ITPR2: variants seen among roughly 807,000 people sequenced by gnomAD.
ITPR2 encodes inositol 1,4,5-trisphosphate receptor type 2.
A neutral mutation model predicts 317.1 loss-of-function variants in ITPR2; 207 were observed. That is an observed-to-expected ratio of 0.65 (90% CI 0.58 to 0.73). The LOEUF is 0.73. Ranked by LOEUF, ITPR2 falls within the 30% of genes least tolerant of loss-of-function variation. The probability of loss-of-function intolerance (pLI) is 0.00; values close to 1 mark genes in which losing one functional copy is unlikely to be tolerated. For missense variants in ITPR2, 2,613 were observed against 3,284.0 expected (o/e 0.80, Z 4.99); for synonymous variants, 1,156 against 1,149.1 (o/e 1.01, Z -0.12).
intron 2 of ITPR2, among the ~76,000 whole-genome samples, chr12:26,728,679 C>T (rs1237870343): frequency 2.0e-5 from 3 of 152,102 alleles, no homozygotes; most frequent in Non-Finnish European, 4.4e-5. Flanking sequence ...CACATTTTGT[C>T]GGATTCTAAA....
At chr12:26,612,496 TC>T (rs1048679813) in intron 26 of ITPR2, among the ~76,000 whole-genome samples, 1 of 152,252 alleles carries the variant, frequency 6.6e-6, no homozygotes, top group African/African-American at 2.4e-5. Context: ...ATTGCCACTA[TC>T]TTTGGCTGCT....
At chr12:26,746,191 A>AACACACAC (rs71437307) in intron 2 of ITPR2, among the ~76,000 whole-genome samples, 7,310 of 150,400 alleles carry the variant, frequency 0.049, 247 homozygotes, top group Non-Finnish European at 0.071. Context: ...GTATTCCTAC[A>AACACACAC]ACACACACAC....
At chr12:26,589,742 G>A (rs1473187314) in intron 32 of ITPR2, among the ~76,000 whole-genome samples, 2 of 143,892 alleles carry the variant, frequency 1.4e-5, no homozygotes, top group Non-Finnish European at 3.0e-5. Flanking sequence ...AGCCAAGATC[G>A]CCCCACTGCA....
chr12:26,701,652 T>C lies in ITPR2; in HGVS notation c.952-6002A>G, dbSNP rs534343403. ...CTTTTCACATACTATGGCTGATACA[T>C]TTGAGAGAGAACTAAACATAGAGAC... On this transcript the variant is annotated intron_variant, in intron 9 of 56. Transcript: ENST00000381340. Among the ~76,000 whole-genome samples the C allele has an allele frequency of 3.9e-5, 6 of 152,286 alleles. No homozygotes were observed. The South Asian group carries it at 1.0e-3, about 26-fold the overall frequency.
chr12:26,435,813 C>T (rs1941337078), intron 48 of ITPR2, among the ~76,000 whole-genome samples: 1 of 152,042 alleles, frequency 6.6e-6, no homozygotes, highest in South Asian at 2.1e-4. Flanking sequence ...TACATGTATG[C>T]TCACTATAGA....
At chr12:26,569,554 C>CAA (rs34705409) in intron 34 of ITPR2, among the ~76,000 whole-genome samples, 9,224 of 134,244 alleles carry the variant, frequency 0.069, 312 homozygotes, top group Middle Eastern at 0.11. Flanking sequence ...GACTCTGTCT[C>CAA]AAAAAAAAAA....
intron 39 of ITPR2, among the ~76,000 whole-genome samples, chr12:26,493,689 AATT>A (rs1591828354): frequency 6.6e-6 from 1 of 152,190 alleles, no homozygotes; most frequent in South Asian, 2.1e-4. Context: ...AAATATGTAC[AATT>A]ATTATTATTT....
chr12:26,373,476 G>A (rs1005023602), intron 55 of ITPR2: 2 of 152,102 alleles, frequency 1.3e-5, no homozygotes, highest in African/African-American at 2.4e-5. Context: ...CTCTGAATTT[G>A]GCCATTTTTG....
chr12:26,505,577 T>C (rs961571207), intron 37 of ITPR2, among the ~76,000 whole-genome samples: 1 of 152,236 alleles, frequency 6.6e-6, no homozygotes, highest in Non-Finnish European at 1.5e-5. Context: ...AGTCCTCTTA[T>C]AATAGCATGT....
intron 37 of ITPR2, among the ~76,000 whole-genome samples, chr12:26,528,865 T>A (rs546939557): frequency 1.3e-5 from 2 of 152,346 alleles, no homozygotes; most frequent in Admixed American, 1.3e-4. Flanking sequence ...TCCTTTCATC[T>A]TCCCCTTTAC....
At chr12:26,711,301 C>T in intron 8 of ITPR2, 33 bp from the exon 9 acceptor site, 1 of 1,447,988 alleles carries the variant, frequency 6.9e-7, no homozygotes, top group Non-Finnish European at 9.7e-7. Flanking sequence ...AATGGCAAAA[C>T]AATATTTATG....
At chr12:26,596,550 G>A (rs1945850509) in intron 31 of ITPR2, among the ~76,000 whole-genome samples, 1 of 151,736 alleles carries the variant, frequency 6.6e-6, no homozygotes, top group Admixed American at 6.6e-5. Flanking sequence ...GGGAGGCTGA[G>A]GCAGGAGAAT....
At chr12:26,504,603 A>T (rs994850524) in intron 37 of ITPR2, among the ~76,000 whole-genome samples, 1 of 152,224 alleles carries the variant, frequency 6.6e-6, no homozygotes, top group Admixed American at 6.5e-5. Flanking sequence ...TACAAAATCA[A>T]GTGTTGAAGA....
chr12:26,516,280 G>GGAAAGGAAAGGAAAGGAAA (rs1565574580), intron 37 of ITPR2, among the ~76,000 whole-genome samples: 1 of 45,198 alleles, frequency 2.2e-5, no homozygotes, highest in Non-Finnish European at 3.8e-5. Context: ...AGGAAGGGAA[G>GGAAAGGAAAGGAAAGGAAA]GGAAGGGAAA....
At chr12:26,543,870 C>T (rs1417947079) in intron 37 of ITPR2, among the ~76,000 whole-genome samples, 1 of 152,090 alleles carries the variant, frequency 6.6e-6, no homozygotes, top group African/African-American at 2.4e-5. Flanking sequence ...TTTTAAAGTA[C>T]AAATAAATAT....
intron 34 of ITPR2, among the ~76,000 whole-genome samples, chr12:26,575,525 C>A (rs919471615): frequency 2.0e-5 from 3 of 151,952 alleles, no homozygotes; most frequent in Non-Finnish European, 4.4e-5. Context: ...CATGCCTTCT[C>A]ACAAAGAGAA....
intron 21 of ITPR2, among the ~76,000 whole-genome samples, chr12:26,638,524 A>G (rs1274729761): frequency 6.6e-6 from 1 of 152,104 alleles, no homozygotes; most frequent in African/African-American, 2.4e-5. Context: ...GATTTCTCAC[A>G]CCACAGACAC....
At chr12:26,587,973 G>C (rs1025525943) in intron 32 of ITPR2, among the ~76,000 whole-genome samples, 1 of 152,182 alleles carries the variant, frequency 6.6e-6, no homozygotes, top group Non-Finnish European at 1.5e-5. Flanking sequence ...GGAAGGACTG[G>C]ATTTTGGGTA....
At chr12:26,805,771 G>A (rs1182912787) in intron 1 of ITPR2, among the ~76,000 whole-genome samples, 1 of 89,924 alleles carries the variant, frequency 1.1e-5, no homozygotes, top group Non-Finnish European at 2.6e-5. Context: ...GACCTGCAAG[G>A]AAGCTAATAT....
Sources: gnomAD v4.1 joint callset for allele counts (sites outside exome capture counted in the v4.1 genomes callset) on GRCh38, gnomAD v4.1.1 for gene constraint, MANE v1.5 for transcripts, NCBI Gene and HGNC (gene_info 2026-07-23, HGNC 2026-07-21) for gene names.